The following GABRA6 variants were observed in gnomAD, a reference collection of about 807,000 sequenced individuals.
GABRA6 encodes the protein gamma-aminobutyric acid receptor subunit alpha-6.
GABRA6 carries 45 observed loss-of-function variants against 47.3 expected under a neutral mutation model. That is an observed-to-expected ratio of 0.95 (90% confidence interval 0.75 to 1.22). The LOEUF is 1.22. GABRA6 is among the 50% of genes most tolerant of loss of function. GABRA6 has a pLI of 0.00. For synonymous variants in GABRA6, 219 were observed against 194.7 expected (o/e 1.12, Z -1.04); for missense variants, 583 against 549.3 (o/e 1.06, Z -0.61).
At chr5:161,691,574 A>G (rs545578381) in intron 7 of GABRA6, among the ~76,000 whole-genome samples, 7 of 151,878 alleles carry the variant, frequency 4.6e-5, no homozygotes, top group Admixed American at 4.6e-4. Context: ...TGCTGGGATT[A>G]CAGGCGTGAA....
At chr5:161,686,109 C>T in intron 1 of GABRA6, 82 bp downstream of exon 1, 1 of 1,454,074 alleles carries the variant, frequency 6.9e-7, no homozygotes, top group Non-Finnish European at 9.7e-7. Flanking sequence ...ACTCCTATAT[C>T]AAATCATGAA....
In GABRA6 at chr5:161,701,884, A is replaced by G; in HGVS notation, c.*111A>G. 1 of 1,195,892 alleles carries G rather than the reference A, an allele frequency of 8.4e-7. No individual in the cohort carries two copies. Among genetic ancestry groups the G allele is most frequent in the Non-Finnish European group, 1.2e-6 (1 of 816,596 alleles). The allele number at this position is 1,195,892 out of a possible 1,614,324, so 74.1% of individuals were successfully genotyped here. On this transcript the variant is annotated 3_prime_UTR_variant, in exon 9 of 9. Coordinates refer to ENST00000274545, the MANE Select transcript of GABRA6 (RefSeq NM_000811.3). ...GATGCTTCTCAGAACATGAAATCAA[A>G]TTGGAAATCTGTAACGCAGCTTCCG...
chr5:161,691,444 C>T (rs1197900619), intron 7 of GABRA6, among the ~76,000 whole-genome samples: 4 of 151,348 alleles, frequency 2.6e-5, no homozygotes, highest in Admixed American at 6.6e-5. Flanking sequence ...TACAGGCGCC[C>T]GCCACCAAGC....
rs540769437 is a variant in GABRA6 at position 161,702,284 on chromosome 5, T to C, written c.*511T>C. ...TTTCAGTGGCATTGTAAAGCCTACA[T>C]TGAGCTTAGCCATTTGTTTTTAACC... On this transcript the variant is annotated 3_prime_UTR_variant, in exon 9 of 9. Transcript: ENST00000274545. 77 of 164,830 alleles carry C rather than the reference T, an allele frequency of 4.7e-4. 1 individual carries two copies. Among genetic ancestry groups the C allele is most frequent in the South Asian group, 3.4e-3 (22 of 6,392 alleles). 10.2% of individuals were successfully genotyped at this position (164,830 alleles called of 1,614,324 possible). A position where few individuals can be genotyped will look rare whatever the true frequency, so the allele number is the denominator to read the frequency against.
chr5:161,701,274 T>A (rs1458474011), intron 8 of GABRA6, among the ~76,000 whole-genome samples: 2 of 152,146 alleles, frequency 1.3e-5, no homozygotes, highest in Non-Finnish European at 2.9e-5. Context: ...ATGTATTGAG[T>A]AATAGAATGT....
chr5:161,692,063 G>C lies in GABRA6; in HGVS notation c.949G>C (p.Ala317Pro). 6.2e-7 allele frequency: 1 copy of C among 1,614,148 alleles called. No homozygotes were observed. Among genetic ancestry groups the C allele is most frequent in the Non-Finnish European group, 8.5e-7 (1 of 1,180,024 alleles). The change falls in exon 8 of 9, where the codon GCG becomes CCG. Residue 317 changes from alanine to proline, a missense_variant. Coordinates refer to ENST00000274545, the MANE Select transcript of GABRA6 (RefSeq NM_000811.3). ...TGTTTGCTTTGCATTCGTCTTCTCT[G>C]CGCTTATCGAGTTCGCAGCTGTCAA... ...IAVCFAFVFS[A>P]LIEFAAVNYF...
At chr5:161,689,817 G>A (rs371369081) in intron 6 of GABRA6, 38 bp downstream of exon 6, 1 of 1,573,074 alleles carries the variant, frequency 6.4e-7, no homozygotes. Flanking sequence ...AATCCCTCAG[G>A]ATGACTCCAG....
At position 161,702,024 on chromosome 5, in the gene GABRA6, G is replaced by T; in HGVS notation, c.*251G>T. On this transcript the variant is annotated 3_prime_UTR_variant, in exon 9 of 9. Transcript: ENST00000274545. ...AGAAAAACTTTATGAGGATGAAATG[G>T]GTTCAAGATGAATTTGTCAACTTTT... The T allele has an allele frequency of 2.1e-6, 1 of 480,294 alleles. No individual in the cohort carries two copies. The highest frequency in any genetic ancestry group is 3.7e-6 in the Non-Finnish European group (1 of 267,364). The allele number at this position is 480,294 out of a possible 1,614,324, so 29.8% of individuals were successfully genotyped here. A position where few individuals can be genotyped will look rare whatever the true frequency, so the allele number is the denominator to read the frequency against.
intron 8 of GABRA6, among the ~76,000 whole-genome samples, chr5:161,697,321 A>T (rs1385385358): frequency 6.6e-5 from 10 of 152,224 alleles, no homozygotes; most frequent in Admixed American, 6.5e-4. Flanking sequence ...CTGTAGCTTA[A>T]ACGGCTCACA....
intron 7 of GABRA6, among the ~76,000 whole-genome samples, chr5:161,691,288 CTTTT>C (rs1160422481): frequency 3.5e-5 from 3 of 84,722 alleles, no homozygotes; most frequent in Admixed American, 1.5e-4. Context: ...TTTTTCTTTC[CTTTT>C]TTTTTTTTTT....
In GABRA6 at chr5:161,689,241, T is replaced by G. The variant is rs763932157; in HGVS notation, c.447-13T>G. 4 of 1,613,948 alleles carry G rather than the reference T, an allele frequency of 2.5e-6. No homozygotes were observed. In the South Asian group the frequency reaches 4.4e-5, roughly 18 times the overall value. On this transcript the variant is annotated splice_polypyrimidine_tract_variant and intron_variant, in intron 4 of 8. Transcript: ENST00000274545. ...TAATACTAACTCAGAACCGTTGATT[T>G]CAATGTTTCTAGGCTTACCATCAAT...
rs369062101 is a variant in GABRA6 at position 161,701,665 on chromosome 5, C to A, written c.1254C>A (p.Asp418Glu). The A allele has an allele frequency of 2.5e-6, 4 of 1,614,158 alleles. No individual in the cohort carries two copies. Among genetic ancestry groups the A allele is most frequent in the Non-Finnish European group, 2.5e-6 (3 of 1,180,020 alleles). Residue 418 changes from aspartate to glutamate, a missense_variant, in exon 9 of 9, where the codon GAC becomes GAA. Transcript: ENST00000274545. ...CCTTTGGAGGCACCAGTAAAATAGA[C>A]CAGTATTCTCGAATTCTCTTCCCAG... ...SPAFGGTSKIDQYSRILFPVA... is the reference protein window; with the variant it reads ...SPAFGGTSKIEQYSRILFPVA...
intron 8 of GABRA6, among the ~76,000 whole-genome samples, chr5:161,695,970 G>A (rs1401674435): frequency 6.6e-6 from 1 of 152,152 alleles, no homozygotes; most frequent in Admixed American, 6.5e-5. Flanking sequence ...CCCTCATGGA[G>A]CTTCTTGTCC....
At position 161,686,288 on chromosome 5, in the gene GABRA6, A is replaced by G; in HGVS notation, c.97A>G (p.Ser33Gly). Reference sequence around the variant, plus strand: ...AGGCAACTTCTACTCAGAAAACGTCAGTCGGATCCTGGACAACTTGCTTGA... The same window carrying G: ...AGGCAACTTCTACTCAGAAAACGTCGGTCGGATCCTGGACAACTTGCTTGA... Reference protein sequence around the residue: ...VEGNFYSENVSRILDNLLEGY... With the variant: ...VEGNFYSENVGRILDNLLEGY... Residue 33 changes from serine (S) to glycine (G), a missense_variant, in exon 2 of 9, where the codon AGT becomes GGT. Physicochemically the swap from Ser to Gly is moderately conservative, Grantham distance 56 (BLOSUM62 0). Coordinates refer to ENST00000274545, the MANE Select transcript of GABRA6 (RefSeq NM_000811.3). 1 of 1,614,110 alleles carries G rather than the reference A, an allele frequency of 6.2e-7. No homozygotes were observed. The highest frequency in any genetic ancestry group is 8.5e-7 in the Non-Finnish European group (1 of 1,179,948).
chr5:161,687,107 A>G (rs1408172845), intron 3 of GABRA6, 104 bp downstream of exon 3: 2 of 894,240 alleles, frequency 2.2e-6, no homozygotes, highest in Non-Finnish European at 1.9e-6. Flanking sequence ...CTCCAGATTC[A>G]TGACACAATA....
chr5:161,692,150 A>G lies in GABRA6; in HGVS notation c.1036A>G (p.Thr346Ala). ...KRKAQFAAPPTVTISKATEPL... is the reference protein window; with the variant it reads ...KRKAQFAAPPAVTISKATEPL... The stretch of plus-strand genomic sequence containing the variant: ...GAAGGCACAGTTTGCAGCCCCACCC[A>G]CAGTGACAATATCAAAAGCTACTGA... Residue 346 changes from threonine to alanine, a missense_variant, in exon 8 of 9, where the codon ACA becomes GCA. Transcript: ENST00000274545. The G allele has an allele frequency of 6.2e-7, 1 of 1,614,220 alleles. No homozygotes were observed. Among genetic ancestry groups the G allele is most frequent in the Non-Finnish European group, 8.5e-7 (1 of 1,180,036 alleles).
At chr5:161,701,209 G>A (rs533074073) in intron 8 of GABRA6, among the ~76,000 whole-genome samples, 1 of 152,098 alleles carries the variant, frequency 6.6e-6, no homozygotes. Context: ...TTTCCCTAAG[G>A]ATACAATGCT....
At chr5:161,700,736 G>T (rs1278774966) in intron 8 of GABRA6, among the ~76,000 whole-genome samples, 1 of 152,158 alleles carries the variant, frequency 6.6e-6, no homozygotes, top group South Asian at 2.1e-4. Flanking sequence ...ATAGAAAGGA[G>T]CATATAACAA....
intron 6 of GABRA6, 44 bp downstream of exon 6, chr5:161,689,823 T>G (rs1301152605): frequency 6.5e-7 from 1 of 1,549,434 alleles, no homozygotes; most frequent in Non-Finnish European, 8.9e-7. Context: ...TCAGGATGAC[T>G]CCAGTGCACA....
Sources: gnomAD v4.1 joint callset for allele counts (sites outside exome capture counted in the v4.1 genomes callset) on GRCh38, gnomAD v4.1.1 for gene constraint, MANE v1.5 for transcripts, NCBI Gene and HGNC (gene_info 2026-07-23, HGNC 2026-07-21) for gene names.